The following IL1RAPL1 variants were observed in gnomAD, a reference collection of about 807,000 sequenced individuals.
IL1RAPL1 encodes the protein interleukin-1 receptor accessory protein-like 1.
In IL1RAPL1, 3 loss-of-function variants were observed where a neutral mutation model predicts 48.4. That is an observed-to-expected ratio of 0.06 (90% confidence interval 0.03 to 0.16). The LOEUF (loss-of-function observed/expected upper bound fraction) is 0.16, where lower values mean the gene tolerates loss of function less well. Among genes scored for constraint, IL1RAPL1 ranks in the 10% least tolerant of loss-of-function variants. IL1RAPL1 has a pLI of 1.00. For missense variants in IL1RAPL1, 349 were observed against 530.6 expected (o/e 0.66, Z 3.36); for synonymous variants, 185 against 187.7 (o/e 0.99, Z 0.12).
chrX:29,008,389 G>C (rs1278728950), intron 2 of IL1RAPL1, among the ~76,000 whole-genome samples: 2 of 111,408 alleles, frequency 1.8e-5, no homozygotes, highest in African/African-American at 6.5e-5. Flanking sequence ...TGTTAGCCAA[G>C]ATGGTCTCGA....
At position 29,013,412 on chromosome X, in the gene IL1RAPL1, C is replaced by A. The variant is rs35675356; in HGVS notation, c.82+223987C>A. Among the ~76,000 whole-genome samples the A allele has an allele frequency of 4.9e-3, 544 of 111,573 alleles. 3 individuals are homozygous for A. The highest frequency in any genetic ancestry group is 0.017 in the African/African-American group (526 of 30,698). On this transcript the variant is annotated intron_variant, in intron 2 of 10. Transcript: ENST00000378993. ...ATCATCCTGTTATAAAGACACATGC[C>A]TGTGTATATTCATTGCAGCGCTATT...
intron 1 of IL1RAPL1, among the ~76,000 whole-genome samples, chrX:28,779,500 C>CA (rs1936394027): frequency 9.4e-6 from 1 of 106,867 alleles, no homozygotes; most frequent in Admixed American, 1.0e-4. Flanking sequence ...GACTAGAATA[C>CA]GAAATCTAAC....
At chrX:28,740,020 A>G (rs746324726) in intron 1 of IL1RAPL1, among the ~76,000 whole-genome samples, 1 of 111,291 alleles carries the variant, frequency 9.0e-6, no homozygotes, top group African/African-American at 3.3e-5. Flanking sequence ...TTATGGCATA[A>G]AAAGTTGGTG....
chrX:29,879,654 A>T (rs1381440674), intron 6 of IL1RAPL1, among the ~76,000 whole-genome samples: 1 of 110,225 alleles, frequency 9.1e-6, no homozygotes, highest in East Asian at 2.8e-4. Flanking sequence ...CTTTGGAAAA[A>T]AAAGCTATTT....
At chrX:29,603,901 C>G (rs547038897) in intron 5 of IL1RAPL1, among the ~76,000 whole-genome samples, 1 of 111,768 alleles carries the variant, frequency 8.9e-6, no homozygotes, top group Non-Finnish European at 1.9e-5. Flanking sequence ...AAATCACTGA[C>G]GAAAAGGTGG....
At chrX:29,300,120 A>C (rs1314918861) in intron 3 of IL1RAPL1, among the ~76,000 whole-genome samples, 1 of 112,173 alleles carries the variant, frequency 8.9e-6, no homozygotes, top group Non-Finnish European at 1.9e-5. Flanking sequence ...TCAAAACTGT[A>C]AACTAAATAA....
rs193077117 is a variant in IL1RAPL1 at position 28,813,529 on chromosome X, A to G, written c.82+24104A>G. On this transcript the variant is annotated intron_variant, in intron 2 of 10. Coordinates refer to ENST00000378993, the MANE Select transcript of IL1RAPL1 (RefSeq NM_014271.4). ...CTGCCATTGTTAGATGGAGTATTCT[A>G]TAATGTCAATGAGTTAAAAATGATT... 1.5e-4 allele frequency among the ~76,000 whole-genome samples: 17 copies of G among 111,455 alleles called. No individual in the cohort carries two copies. In the East Asian group the frequency reaches 4.5e-3, roughly 30 times the overall value.
intron 3 of IL1RAPL1, among the ~76,000 whole-genome samples, chrX:29,368,460 C>T (rs1181465580): frequency 8.9e-6 from 1 of 112,123 alleles, no homozygotes; most frequent in African/African-American, 3.2e-5. Flanking sequence ...TGGCTCCCTG[C>T]AGCCTCCACC....
intron 5 of IL1RAPL1, among the ~76,000 whole-genome samples, chrX:29,530,526 T>G (rs1422065534): frequency 8.9e-6 from 1 of 112,008 alleles, no homozygotes; most frequent in Non-Finnish European, 1.9e-5. Flanking sequence ...ATTTGTACAC[T>G]GACCCCCATC....
intron 5 of IL1RAPL1, among the ~76,000 whole-genome samples, chrX:29,544,041 A>G (rs866262239): frequency 4.5e-5 from 5 of 112,074 alleles, no homozygotes; most frequent in Non-Finnish European, 9.4e-5. Context: ...TTTGAGTCTT[A>G]TAGTTACATA....
chrX:29,767,259 G>A (rs1325039129), intron 6 of IL1RAPL1, among the ~76,000 whole-genome samples: 1 of 111,918 alleles, frequency 8.9e-6, no homozygotes, highest in Admixed American at 9.5e-5. Context: ...CGTTGTTAAG[G>A]ACTTGATATT....
chrX:28,855,712 T>G (rs896566192), intron 2 of IL1RAPL1, among the ~76,000 whole-genome samples: 1 of 111,554 alleles, frequency 9.0e-6, no homozygotes, highest in Non-Finnish European at 1.9e-5. Flanking sequence ...TTACTTCTAG[T>G]GCACCATAGT....
At chrX:28,988,290 G>C (rs747799708) in intron 2 of IL1RAPL1, among the ~76,000 whole-genome samples, 1 of 111,788 alleles carries the variant, frequency 8.9e-6, no homozygotes, top group Admixed American at 9.5e-5. Flanking sequence ...ACCTGTATGA[G>C]GAAGACAGCC....
intron 8 of IL1RAPL1, among the ~76,000 whole-genome samples, chrX:29,933,972 C>T (rs1406136892): frequency 9.2e-6 from 1 of 108,916 alleles, no homozygotes; most frequent in African/African-American, 3.3e-5. Flanking sequence ...GAGCAAAGGT[C>T]CTAAGATAAA....
chrX:28,748,360 A>G (rs1321004990), intron 1 of IL1RAPL1, among the ~76,000 whole-genome samples: 1 of 111,750 alleles, frequency 8.9e-6, no homozygotes, highest in Non-Finnish European at 1.9e-5. Context: ...TCTTTCTTGC[A>G]TTTGGGTTTG....
At chrX:28,594,593 C>T (rs1267187302) in intron 1 of IL1RAPL1, among the ~76,000 whole-genome samples, 2 of 111,573 alleles carry the variant, frequency 1.8e-5, no homozygotes, top group African/African-American at 6.5e-5. Context: ...TGTTGGCTCT[C>T]TCATGATGCA....
chrX:28,673,817 C>T lies in IL1RAPL1; in HGVS notation c.-25+85770C>T, dbSNP rs1177751028. On this transcript the variant is annotated intron_variant, in intron 1 of 10. Coordinates refer to ENST00000378993, the MANE Select transcript of IL1RAPL1 (RefSeq NM_014271.4). ...AATGTGTAAATGAAGGTACCTATTTCACAAATCGTCTAGGATTGACATCAC... is the reference window on the plus strand; with the variant it reads ...AATGTGTAAATGAAGGTACCTATTTTACAAATCGTCTAGGATTGACATCAC... Among the ~76,000 whole-genome samples, 5 of 111,819 alleles carry T rather than the reference C, an allele frequency of 4.5e-5. No individual in the cohort carries two copies. The East Asian group carries it at 1.4e-3, about 32-fold the overall frequency.
chrX:28,713,905 C>G (rs1316966226), intron 1 of IL1RAPL1, among the ~76,000 whole-genome samples: 1 of 111,688 alleles, frequency 9.0e-6, no homozygotes, highest in Non-Finnish European at 1.9e-5. Flanking sequence ...TGTAAAGTTT[C>G]AACTTCTAAG....
In IL1RAPL1 at chrX:29,899,997, A is replaced by G. The variant is rs1052154348; in HGVS notation, c.779-17467A>G. ...AGTTCAAACTGCTATGTCTCCCTCTATCAAATGGGGACAACAAAGCCAGGC... is the reference window on the plus strand; with the variant it reads ...AGTTCAAACTGCTATGTCTCCCTCTGTCAAATGGGGACAACAAAGCCAGGC... On this transcript the variant is annotated intron_variant, in intron 6 of 10. Coordinates refer to ENST00000378993, the MANE Select transcript of IL1RAPL1 (RefSeq NM_014271.4). Among the ~76,000 whole-genome samples the G allele has an allele frequency of 7.2e-5, 8 of 111,397 alleles. No individual in the cohort carries two copies. The East Asian group carries it at 2.2e-3, about 31-fold the overall frequency.
Sources: gnomAD v4.1 joint callset for allele counts (sites outside exome capture counted in the v4.1 genomes callset) on GRCh38, gnomAD v4.1.1 for gene constraint, MANE v1.5 for transcripts, NCBI Gene and HGNC (gene_info 2026-07-23, HGNC 2026-07-21) for gene names.